The following KCNK10 variants were observed in gnomAD, a reference collection of about 807,000 sequenced individuals.
KCNK10 encodes potassium channel subfamily K member 10.
In KCNK10, 25 loss-of-function variants were observed where a neutral mutation model predicts 47.7. The ratio of observed to expected loss-of-function variants is 0.52; its 90% CI spans 0.38 to 0.73. The LOEUF (loss-of-function observed/expected upper bound fraction) is 0.73, where lower values mean the gene tolerates loss of function less well. Among genes scored for constraint, KCNK10 ranks in the 30% least tolerant of loss-of-function variants. KCNK10 has a pLI of 0.00. For missense variants in KCNK10, 563 were observed against 714.5 expected (o/e 0.79, Z 2.42); for synonymous variants, 303 against 285.6 (o/e 1.06, Z -0.61).
rs552045925 is a variant in KCNK10, at chr14:88,292,353, T to C, written c.53-28802A>G. 3.9e-5 allele frequency among the ~76,000 whole-genome samples: 6 copies of C among 152,310 alleles called. No homozygotes were observed. In the South Asian group the frequency reaches 1.0e-3, roughly 26 times the overall value. On this transcript the variant is annotated intron_variant, in intron 1 of 6. Transcript: ENST00000319231. ...GCTTTGTGATTTTGTTTTGTTGTTGTTGCTGTTGTTGTTTGAGATGGAGTC... is the reference window on the plus strand; with the variant it reads ...GCTTTGTGATTTTGTTTTGTTGTTGCTGCTGTTGTTGTTTGAGATGGAGTC...
At chr14:88,321,118 C>T (rs1182092655) in intron 1 of KCNK10, among the ~76,000 whole-genome samples, 1 of 152,184 alleles carries the variant, frequency 6.6e-6, no homozygotes, top group Non-Finnish European at 1.5e-5. Flanking sequence ...GGCAATACCT[C>T]TTCACTCACT....
At position 88,283,144 on chromosome 14, in the gene KCNK10, T is replaced by A. The variant is rs186619262; in HGVS notation, c.53-19593A>T. Reference sequence around the variant, plus strand: ...GATTATCACACTTTAAGGGTTTTTTTAAATCACTTTCCATCAGGAAAACTT... The same window carrying A: ...GATTATCACACTTTAAGGGTTTTTTAAAATCACTTTCCATCAGGAAAACTT... On this transcript the variant is annotated intron_variant, in intron 1 of 6. Coordinates refer to ENST00000319231, the MANE Select transcript of KCNK10 (RefSeq NM_138317.3). 6.0e-4 allele frequency among the ~76,000 whole-genome samples: 91 copies of A among 152,306 alleles called. No homozygotes were observed. The East Asian group carries it at 0.016, about 27-fold the overall frequency.
intron 1 of KCNK10, among the ~76,000 whole-genome samples, chr14:88,306,484 T>C (rs1369550800): frequency 2.0e-5 from 3 of 152,110 alleles, no homozygotes; most frequent in Non-Finnish European, 4.4e-5. Context: ...GGGGGAAGAT[T>C]TGTACTTCAT....
At chr14:88,224,855 C>G (rs1885932824) in intron 4 of KCNK10, among the ~76,000 whole-genome samples, 1 of 152,174 alleles carries the variant, frequency 6.6e-6, no homozygotes, top group South Asian at 2.1e-4. Flanking sequence ...GGTGATCCAC[C>G]CACCTCAGCC....
chr14:88,217,104 G>A (rs1471626200), intron 4 of KCNK10, among the ~76,000 whole-genome samples: 1 of 152,166 alleles, frequency 6.6e-6, no homozygotes, highest in Non-Finnish European at 1.5e-5. Flanking sequence ...TTGCAGTGAG[G>A]CGAGATCATG....
In KCNK10 at chr14:88,186,185, G is replaced by A. The variant is rs1196287020; in HGVS notation, c.1012-30C>T. 17 of 1,542,716 alleles carry A rather than the reference G, an allele frequency of 1.1e-5. No individual in the cohort carries two copies. Among genetic ancestry groups the A allele is most frequent in the Non-Finnish European group, 1.5e-5 (17 of 1,143,990 alleles). Reference sequence around the variant, plus strand: ...CCAAGAGACAGAAGAGCAACAATATGCTGACAAATGCCTCCCTGCCTTGGC... The same window carrying A: ...CCAAGAGACAGAAGAGCAACAATATACTGACAAATGCCTCCCTGCCTTGGC... On this transcript the variant is annotated intron_variant, in intron 6 of 6. Transcript: ENST00000319231. This position sits in a 1 kb window ranked among gnomAD's most constrained non-coding sequence, Gnocchi z 5.5.
intron 4 of KCNK10, among the ~76,000 whole-genome samples, chr14:88,214,485 G>C (rs1035883020): frequency 1.3e-5 from 2 of 152,194 alleles, no homozygotes; most frequent in African/African-American, 4.8e-5. Flanking sequence ...AAACAAGTCA[G>C]CTATTGGTAC....
At position 88,181,807 on chromosome 14, in the gene KCNK10, A is replaced by C. The variant is rs934539468; in HGVS notation, c.*3728T>G. 6.6e-6 allele frequency: 1 copy of C among 152,306 alleles called. No homozygotes were observed. Among genetic ancestry groups the C allele is most frequent in the Non-Finnish European group, 1.5e-5 (1 of 68,044 alleles). 9.4% of individuals were successfully genotyped at this position (152,306 alleles called of 1,614,324 possible). ...TCCAACTTATAATTTAATCTTAATA[A>C]ATTTTGTGAACTCATGGACTAGGGA... On this transcript the variant is annotated 3_prime_UTR_variant, in exon 7 of 7. Transcript: ENST00000319231.
chr14:88,262,148 T>C (rs1887128893), intron 2 of KCNK10, among the ~76,000 whole-genome samples: 1 of 152,214 alleles, frequency 6.6e-6, no homozygotes, highest in Non-Finnish European at 1.5e-5. Context: ...CCAGAAGGAA[T>C]TGTAAAAGCT....
At chr14:88,283,232 T>C (rs978224148) in intron 1 of KCNK10, among the ~76,000 whole-genome samples, 1 of 152,222 alleles carries the variant, frequency 6.6e-6, no homozygotes, top group African/African-American at 2.4e-5. Flanking sequence ...GGGACACATT[T>C]ATGTAAAAAA....
At chr14:88,263,574 AAAG>A (rs759948530) in intron 1 of KCNK10, 23 bp from the exon 2 acceptor site, 16 of 1,586,530 alleles carry the variant, frequency 1.0e-5, no homozygotes, top group African/African-American at 1.3e-5. Flanking sequence ...GGTGGGGGAC[AAAG>A]AAGAAGAGAG....
At chr14:88,191,680 T>C (rs1884753133) in intron 5 of KCNK10, among the ~76,000 whole-genome samples, 1 of 152,214 alleles carries the variant, frequency 6.6e-6, no homozygotes, top group Non-Finnish European at 1.5e-5. Context: ...TATACACTCC[T>C]GCATAATCCA....
rs1042980682 is a variant in KCNK10, at chr14:88,260,557, A to G, written c.402+2645T>C. 2.0e-5 allele frequency among the ~76,000 whole-genome samples: 3 copies of G among 152,336 alleles called. No individual in the cohort carries two copies. The highest frequency in any genetic ancestry group is 4.4e-5 in the Non-Finnish European group (3 of 68,022). ...GATCTACTTAAAGGGCCTGTAGACT[A>G]TTTGGATGAGAGAGTGTACAGTCAG... On this transcript the variant is annotated intron_variant, in intron 2 of 6. Transcript: ENST00000319231. This position sits in a 1 kb window ranked among gnomAD's most constrained non-coding sequence, Gnocchi z 4.5.
At chr14:88,203,559 A>G (rs1006084965) in intron 4 of KCNK10, among the ~76,000 whole-genome samples, 5 of 152,238 alleles carry the variant, frequency 3.3e-5, no homozygotes, top group African/African-American at 4.8e-5. Context: ...TGTGGGTAAT[A>G]TCTCTCTGAC....
At chr14:88,259,801 T>C (rs1335821286) in intron 2 of KCNK10, among the ~76,000 whole-genome samples, 1 of 152,114 alleles carries the variant, frequency 6.6e-6, no homozygotes, top group African/African-American at 2.4e-5. Flanking sequence ...GTGTCTGATA[T>C]GGTTTGGATT....
chr14:88,291,760 T>G (rs11851775), intron 1 of KCNK10, among the ~76,000 whole-genome samples: 3 of 151,870 alleles, frequency 2.0e-5, no homozygotes, highest in Non-Finnish European at 4.4e-5. Context: ...GGGTGCGCAG[T>G]GTTTGGCCTG....
At chr14:88,273,271 G>C (rs1254316635) in intron 1 of KCNK10, among the ~76,000 whole-genome samples, 1 of 152,182 alleles carries the variant, frequency 6.6e-6, no homozygotes, top group Non-Finnish European at 1.5e-5. Flanking sequence ...CTGGGCGTCA[G>C]CATCAGAGAT....
At chr14:88,220,289 C>T (rs1274015511) in intron 4 of KCNK10, among the ~76,000 whole-genome samples, 2 of 148,730 alleles carry the variant, frequency 1.3e-5, no homozygotes, top group East Asian at 2.0e-4. Flanking sequence ...TAGTGGCGGG[C>T]GCCTGTAGTC....
intron 4 of KCNK10, among the ~76,000 whole-genome samples, chr14:88,224,817 C>T (rs1885931844): frequency 6.6e-6 from 1 of 152,194 alleles, no homozygotes; most frequent in Non-Finnish European, 1.5e-5. Context: ...ACCATCTTGG[C>T]CAGGATGGTC....
Sources: gnomAD v4.1 joint callset for allele counts (sites outside exome capture counted in the v4.1 genomes callset) on GRCh38, gnomAD v4.1.1 for gene constraint, Gnocchi (gnomAD v3.1) non-coding constraint, MANE v1.5 for transcripts, NCBI Gene and HGNC (gene_info 2026-07-23, HGNC 2026-07-21) for gene names.